TMCO1: variants seen among roughly 807,000 people sequenced by gnomAD.
TMCO1 encodes transmembrane and coiled-coil domains 1, also known as calcium load-activated calcium channel.
In TMCO1, 29 loss-of-function variants were observed where a neutral mutation model predicts 29.3. That is an observed-to-expected ratio of 0.99 (90% CI 0.74 to 1.35). The LOEUF is 1.35. Ranked by LOEUF, TMCO1 falls within the 40% of genes most tolerant of loss-of-function variation. The pLI is 0.00. For synonymous variants in TMCO1, 80 were observed against 77.1 expected (o/e 1.04, Z -0.20); for missense variants, 173 against 225.5 (o/e 0.77, Z 1.49).
chr1:165,743,164 C>T lies in TMCO1; in HGVS notation c.468+3G>A. The T allele has an allele frequency of 6.2e-7, 1 of 1,613,962 alleles. No individual in the cohort carries two copies. The highest frequency in any genetic ancestry group is 8.5e-7 in the Non-Finnish European group (1 of 1,179,946). On this transcript the variant is annotated splice_donor_region_variant and intron_variant, in intron 6 of 6. Coordinates refer to ENST00000367881, the MANE Select transcript of TMCO1 (RefSeq NM_019026.6). Reference sequence around the variant, plus strand: ...ATATTAAATGGTAGATGTGATCACTCACCTGTCGAATCGACATAGTACAGA... The same window carrying T: ...ATATTAAATGGTAGATGTGATCACTTACCTGTCGAATCGACATAGTACAGA...
intron 6 of TMCO1, among the ~76,000 whole-genome samples, chr1:165,728,858 A>C (rs1401535513): frequency 1.3e-5 from 2 of 151,938 alleles, no homozygotes; most frequent in African/African-American, 2.4e-5. Context: ...GCACTTTGGG[A>C]GGCTGAGGTG....
intron 6 of TMCO1, among the ~76,000 whole-genome samples, chr1:165,738,230 T>C (rs1282403116): frequency 6.6e-6 from 1 of 152,146 alleles, no homozygotes; most frequent in African/African-American, 2.4e-5. Context: ...GAGGTGAAGG[T>C]TGCAGTGAGC....
rs1156728251 is a variant in TMCO1, at chr1:165,727,012, T to C, written c.*1011A>G. 2.2e-6 allele frequency: 1 copy of C among 454,088 alleles called. No homozygotes were observed. The highest frequency in any genetic ancestry group is 4.4e-6 in the Non-Finnish European group (1 of 226,788). 28.1% of individuals were successfully genotyped at this position (454,088 alleles called of 1,614,324 possible). On this transcript the variant is annotated 3_prime_UTR_variant, in exon 7 of 7. Transcript: ENST00000367881. ...AGAATACTCACATTTAAGTAGACAT[T>C]TGATGAATGTGCATATTTATTGATA... is the stretch of plus-strand genomic sequence containing the variant.
chr1:165,759,486 G>A (rs1652321646), intron 3 of TMCO1, 39 bp downstream of exon 3: 1 of 1,500,798 alleles, frequency 6.7e-7, no homozygotes, highest in Non-Finnish European at 9.2e-7. Context: ...ATTTTTTTAA[G>A]AAAACCCAAA....
At position 165,727,834 on chromosome 1, in the gene TMCO1, G is replaced by A. The variant is rs1390050155; in HGVS notation, c.*189C>T. 1.9e-6 allele frequency: 1 copy of A among 529,634 alleles called. No homozygotes were observed. Among genetic ancestry groups the A allele is most frequent in the Non-Finnish European group, 3.6e-6 (1 of 275,578 alleles). 32.8% of individuals were successfully genotyped at this position (529,634 alleles called of 1,614,324 possible). A position where few individuals can be genotyped will look rare whatever the true frequency, so the allele number is the denominator to read the frequency against. On this transcript the variant is annotated 3_prime_UTR_variant, in exon 7 of 7. Coordinates refer to ENST00000367881, the MANE Select transcript of TMCO1 (RefSeq NM_019026.6). The stretch of plus-strand genomic sequence containing the variant: ...CCACTTATTTGATAAAAATCATCTA[G>A]GACCAAAAGCACTATCAAGTTTGCT...
Position 165,743,302 on chromosome 1 carries a change from A to C in TMCO1, c.333T>G (p.Gly111=). Reference sequence around the variant, plus strand: ...TAAAAGGAAGCTTTGCCACCACTCTACCATCAAATCTAAAAGAAAAAAAAA... The same window carrying C: ...TAAAAGGAAGCTTTGCCACCACTCTCCCATCAAATCTAAAAGAAAAAAAAA... The part of the protein sequence containing the change: ...LMGMFNSIFD[G]RVVAKLPFTP... Residue 111 remains glycine, a synonymous_variant, in exon 6 of 7, where the codon GGT becomes GGG. Transcript: ENST00000367881. 1 of 1,611,966 alleles carries C rather than the reference A, an allele frequency of 6.2e-7. No homozygotes were observed. The highest frequency in any genetic ancestry group is 1.1e-5 in the South Asian group (1 of 90,502).
chr1:165,740,463 C>T (rs1353749491), intron 6 of TMCO1, among the ~76,000 whole-genome samples: 1 of 152,086 alleles, frequency 6.6e-6, no homozygotes, highest in African/African-American at 2.4e-5. Context: ...CCTCGACCTC[C>T]CAAAGTGCTG....
At chr1:165,744,051 G>C (rs1390409075) in intron 5 of TMCO1, among the ~76,000 whole-genome samples, 2 of 151,816 alleles carry the variant, frequency 1.3e-5, no homozygotes, top group East Asian at 1.9e-4. Context: ...GTAGAGACAG[G>C]GTTTCACGAT....
intron 6 of TMCO1, among the ~76,000 whole-genome samples, chr1:165,729,285 TCA>T (rs1651037955): frequency 6.6e-6 from 1 of 151,396 alleles, no homozygotes; most frequent in Non-Finnish European, 1.5e-5. Flanking sequence ...ATACTTTTAT[TCA>T]GTTTTTAAAA....
chr1:165,767,444 C>A (rs1248206781), intron 2 of TMCO1, among the ~76,000 whole-genome samples: 1 of 152,202 alleles, frequency 6.6e-6, no homozygotes, highest in Non-Finnish European at 1.5e-5. Context: ...TCTAACCCAA[C>A]TGAAACTCGG....
At chr1:165,766,823 C>T (rs1188320604) in intron 2 of TMCO1, among the ~76,000 whole-genome samples, 3 of 151,062 alleles carry the variant, frequency 2.0e-5, no homozygotes, top group Non-Finnish European at 3.0e-5. Context: ...GCAGCAAAAC[C>T]GAAAGTATGG....
rs1187974061 is a variant in TMCO1, at chr1:165,768,691, G to C, written c.61C>G (p.Leu21Val). 6.2e-7 allele frequency: 1 copy of C among 1,614,130 alleles called. No individual in the cohort carries two copies. Among genetic ancestry groups the C allele is most frequent in the Non-Finnish European group, 8.5e-7 (1 of 1,180,014 alleles). ...AAATACCCGCTCTCACCCTCTGCGA[G>C]CAGAGCCGTGCACACAGAGATAAAA... ...IVFISVCTALLAEGITWVLVY... is the reference protein window; with the variant it reads ...IVFISVCTALVAEGITWVLVY... Residue 21 changes from leucine (L) to valine (V), a missense_variant, in exon 1 of 7, where the codon CTC (leucine) becomes GTC (valine). Leu to Val is a conservative substitution (Grantham distance 32). Coordinates refer to ENST00000367881, the MANE Select transcript of TMCO1 (RefSeq NM_019026.6).
chr1:165,738,522 T>C (rs1651471769), intron 6 of TMCO1, among the ~76,000 whole-genome samples: 1 of 152,022 alleles, frequency 6.6e-6, no homozygotes, highest in Non-Finnish European at 1.5e-5. Context: ...AAATAAAACA[T>C]GTGGAAATAG....
At chr1:165,741,072 T>G (rs1651575704) in intron 6 of TMCO1, among the ~76,000 whole-genome samples, 1 of 152,228 alleles carries the variant, frequency 6.6e-6, no homozygotes, top group African/African-American at 2.4e-5. Flanking sequence ...ATTTAGCTAT[T>G]CAACAAACAC....
rs539028942 is a variant in TMCO1, at chr1:165,756,308, A to G, written c.209-2034T>C. ...TAGGTGAAGACAAAAGCTGAATGCC[A>G]AAAAAATTAGTGAAGTCTTACAGTG... On this transcript the variant is annotated intron_variant, in intron 3 of 6. Coordinates refer to ENST00000367881, the MANE Select transcript of TMCO1 (RefSeq NM_019026.6). 3.9e-5 allele frequency among the ~76,000 whole-genome samples: 6 copies of G among 152,140 alleles called. No homozygotes were observed. In the South Asian group the frequency reaches 1.0e-3, roughly 26 times the overall value.
intron 6 of TMCO1, among the ~76,000 whole-genome samples, chr1:165,732,823 G>A (rs1306751618): frequency 6.6e-6 from 1 of 152,126 alleles, no homozygotes; most frequent in Non-Finnish European, 1.5e-5. Context: ...AGAATATATA[G>A]TAAGATAACA....
chr1:165,768,397 CA>C lies in TMCO1; in HGVS notation c.71-129del, dbSNP rs1475870019. Reference sequence around the variant, plus strand: ...GTATTTACCCATAGTTAACTTTTTTCAAAGGCTAATACAACTGACTCTTCAG... The same window carrying C: ...GTATTTACCCATAGTTAACTTTTTTCAAGGCTAATACAACTGACTCTTCAG... On this transcript the variant is annotated intron_variant, in intron 1 of 6. Coordinates refer to ENST00000367881, the MANE Select transcript of TMCO1 (RefSeq NM_019026.6). 8.0e-6 allele frequency: 12 copies of C among 1,497,206 alleles called. No individual in the cohort carries two copies. The East Asian group carries it at 2.0e-4, about 24-fold the overall frequency. 92.7% of individuals were successfully genotyped at this position (1,497,206 alleles called of 1,614,324 possible). A position where few individuals can be genotyped will look rare whatever the true frequency, so the allele number is the denominator to read the frequency against.
At chr1:165,754,301 T>C in intron 3 of TMCO1, 27 bp from the exon 4 acceptor site, 1 of 1,577,252 alleles carries the variant, frequency 6.3e-7, no homozygotes, top group South Asian at 1.1e-5. Flanking sequence ...AGATGGTTAA[T>C]ACATACAATG....
At position 165,743,216 on chromosome 1, in the gene TMCO1, T is replaced by C. The variant is rs777377528; in HGVS notation, c.419A>G (p.Asp140Gly). 5 of 1,613,800 alleles carry C rather than the reference T, an allele frequency of 3.1e-6. No homozygotes were observed. The highest frequency in any genetic ancestry group is 1.7e-6 in the Non-Finnish European group (2 of 1,179,940). Residue 140 changes from aspartate (D) to glycine (G), a missense_variant, in exon 6 of 7, where the codon GAC becomes GGC. Transcript: ENST00000367881. ...HRNLLGDDTT[D>G]CSFIFLYILC... Reference sequence around the variant, plus strand: ...AATATACAGGAAAATGAAGGAACAGTCTGTGGTGTCATCTCCCAGCAGATT... The same window carrying C: ...AATATACAGGAAAATGAAGGAACAGCCTGTGGTGTCATCTCCCAGCAGATT...
Sources: gnomAD v4.1 joint callset for allele counts (sites outside exome capture counted in the v4.1 genomes callset) on GRCh38, gnomAD v4.1.1 for gene constraint, MANE v1.5 for transcripts, NCBI Gene and HGNC (gene_info 2026-07-23, HGNC 2026-07-21) for gene names.